Variants in SSBP2 observed in about 807,000 individuals in gnomAD.
SSBP2 encodes single stranded DNA binding protein 2, also known as single-stranded DNA-binding protein 2.
SSBP2 carries 17 observed loss-of-function variants against 61.8 expected under a neutral mutation model. The ratio of observed to expected loss-of-function variants is 0.28; its 90% CI spans 0.19 to 0.41. The LOEUF (loss-of-function observed/expected upper bound fraction) is 0.41, where lower values mean the gene tolerates loss of function less well. Ranked by LOEUF, SSBP2 falls within the 10% of genes least tolerant of loss-of-function variation. The pLI is 1.00. For missense variants in SSBP2, 310 were observed against 458.7 expected (o/e 0.68, Z 2.96); for synonymous variants, 139 against 141.3 (o/e 0.98, Z 0.12).
At chr5:81,492,414 G>C (rs191547265) in intron 5 of SSBP2, among the ~76,000 whole-genome samples, 1 of 152,274 alleles carries the variant, frequency 6.6e-6, no homozygotes, top group African/African-American at 2.4e-5. Flanking sequence ...TGAGGGAGGA[G>C]AATCGCTTGA....
intron 4 of SSBP2, among the ~76,000 whole-genome samples, chr5:81,520,531 T>A (rs1034304195): frequency 6.6e-6 from 1 of 152,180 alleles, no homozygotes; most frequent in Admixed American, 6.6e-5. Context: ...TATGCTTTAA[T>A]TCACAAATAG....
At chr5:81,501,216 T>TATAA (rs1374476260) in intron 5 of SSBP2, among the ~76,000 whole-genome samples, 2 of 5,664 alleles carry the variant, frequency 3.5e-4, no homozygotes, top group African/African-American at 3.4e-3. Flanking sequence ...ATCTCAAATA[T>TATAA]ATATATATAT....
intron 4 of SSBP2, chr5:81,615,254 C>A (rs770828895): frequency 3.2e-4 from 140 of 433,386 alleles, no homozygotes; most frequent in South Asian, 2.3e-3. Flanking sequence ...TCTTTAATAG[C>A]TTAGAATTAG....
intron 1 of SSBP2, among the ~76,000 whole-genome samples, chr5:81,655,694 A>G (rs563018478): frequency 6.6e-6 from 1 of 152,222 alleles, no homozygotes; most frequent in Admixed American, 6.5e-5. Context: ...GAGAAAAGCC[A>G]AAGCCTGAGG....
chr5:81,545,402 C>T (rs1771654046), intron 4 of SSBP2, among the ~76,000 whole-genome samples: 1 of 152,064 alleles, frequency 6.6e-6, no homozygotes, highest in Admixed American at 6.5e-5. Flanking sequence ...TAATAAAAAA[C>T]ATACAAATAC....
chr5:81,733,617 GT>G (rs1180354746), intron 1 of SSBP2, among the ~76,000 whole-genome samples: 6 of 152,118 alleles, frequency 3.9e-5, no homozygotes, highest in Admixed American at 3.9e-4. Flanking sequence ...CTCCAACTTT[GT>G]TGACAAATCG....
chr5:81,531,464 T>C lies in SSBP2; in HGVS notation c.283-17747A>G, dbSNP rs190061961. Among the ~76,000 whole-genome samples, 358 of 152,086 alleles carry C rather than the reference T, an allele frequency of 2.4e-3. 1 individual carries two copies. Among genetic ancestry groups the C allele is most frequent in the African/African-American group, 8.5e-3 (351 of 41,516 alleles). ...AGAGTGGGAACTGTATACAAACTAATAAGAAGAGAGATTCACAAGAAGCCC... is the reference window on the plus strand; with the variant it reads ...AGAGTGGGAACTGTATACAAACTAACAAGAAGAGAGATTCACAAGAAGCCC... On this transcript the variant is annotated intron_variant, in intron 4 of 16. Transcript: ENST00000320672.
intron 4 of SSBP2, among the ~76,000 whole-genome samples, chr5:81,537,832 G>C (rs1403054645): frequency 6.6e-6 from 1 of 152,016 alleles, no homozygotes; most frequent in Non-Finnish European, 1.5e-5. Context: ...CCTATTCCCT[G>C]AGACACAACA....
intron 4 of SSBP2, among the ~76,000 whole-genome samples, chr5:81,554,683 G>A (rs1318224904): frequency 6.6e-6 from 1 of 152,018 alleles, no homozygotes; most frequent in East Asian, 1.9e-4. Context: ...AAGAGGTTTA[G>A]AATTGTTATT....
At chr5:81,468,935 A>T (rs1484008423) in intron 8 of SSBP2, among the ~76,000 whole-genome samples, 1 of 152,006 alleles carries the variant, frequency 6.6e-6, no homozygotes, top group Non-Finnish European at 1.5e-5. Flanking sequence ...CAGTACTAGC[A>T]AGGGGGTCTC....
At chr5:81,567,791 C>T (rs1049370127) in intron 4 of SSBP2, among the ~76,000 whole-genome samples, 12 of 152,208 alleles carry the variant, frequency 7.9e-5, no homozygotes, top group African/African-American at 2.9e-4. Flanking sequence ...GGATGTGAGA[C>T]ACAGAGTCAA....
At chr5:81,463,739 T>C (rs954116575) in intron 9 of SSBP2, among the ~76,000 whole-genome samples, 1 of 151,114 alleles carries the variant, frequency 6.6e-6, no homozygotes, top group Non-Finnish European at 1.5e-5. Flanking sequence ...CAACCACTAT[T>C]ACCAAAGAGA....
intron 1 of SSBP2, among the ~76,000 whole-genome samples, chr5:81,746,217 G>A (rs976890240): frequency 5.9e-5 from 9 of 151,894 alleles, no homozygotes; most frequent in African/African-American, 2.2e-4. Flanking sequence ...TAAAAATAGG[G>A]GTTTTTTTGA....
At chr5:81,696,031 T>A (rs895560649) in intron 1 of SSBP2, among the ~76,000 whole-genome samples, 1 of 152,034 alleles carries the variant, frequency 6.6e-6, no homozygotes, top group African/African-American at 2.4e-5. Context: ...GGAAACAGAG[T>A]ACAGGCAGAA....
chr5:81,645,997 T>C (rs1749230062), intron 2 of SSBP2, among the ~76,000 whole-genome samples: 5 of 152,198 alleles, frequency 3.3e-5, no homozygotes, highest in Non-Finnish European at 1.5e-5. Flanking sequence ...CTCTTCTGAC[T>C]GATAACAAAA....
At chr5:81,732,265 G>A (rs1756321150) in intron 1 of SSBP2, among the ~76,000 whole-genome samples, 1 of 151,952 alleles carries the variant, frequency 6.6e-6, no homozygotes, top group African/African-American at 2.4e-5. Context: ...AAAATGAAGT[G>A]GTATTCCATG....
intron 4 of SSBP2, among the ~76,000 whole-genome samples, chr5:81,554,027 AC>A (rs1224153185): frequency 1.3e-5 from 2 of 152,124 alleles, no homozygotes; most frequent in Non-Finnish European, 2.9e-5. Context: ...GCCATTAGAG[AC>A]TTCCTGAATA....
intron 6 of SSBP2, among the ~76,000 whole-genome samples, chr5:81,486,932 T>G (rs942625178): frequency 6.6e-6 from 1 of 152,216 alleles, no homozygotes; most frequent in Non-Finnish European, 1.5e-5. Context: ...CACTTTCTGC[T>G]GTGCACTAGA....
At chr5:81,672,995 C>T (rs1213904513) in intron 1 of SSBP2, among the ~76,000 whole-genome samples, 2 of 151,932 alleles carry the variant, frequency 1.3e-5, no homozygotes, top group African/African-American at 2.4e-5. Context: ...CTTGCCACCA[C>T]GATGGCTAAT....
Sources: gnomAD v4.1 joint callset for allele counts (sites outside exome capture counted in the v4.1 genomes callset) on GRCh38, gnomAD v4.1.1 for gene constraint, MANE v1.5 for transcripts, NCBI Gene and HGNC (gene_info 2026-07-23, HGNC 2026-07-21) for gene names.